The following SH2D4A variants were observed in gnomAD, a reference collection of about 807,000 sequenced individuals.
SH2D4A encodes SH2 domain containing 4A.
In SH2D4A, 70 loss-of-function variants were observed where a neutral mutation model predicts 64.7. That is an observed-to-expected ratio of 1.08 (90% CI 0.89 to 1.32). The LOEUF is 1.32. SH2D4A is among the 40% of genes most tolerant of loss of function. SH2D4A has a pLI of 0.00. For synonymous variants in SH2D4A, 268 were observed against 200.7 expected, an observed-to-expected ratio of 1.34 and a Z score of -2.83; for missense variants, 706 against 540.1, an observed-to-expected ratio of 1.31 and a Z score of -3.04.
intron 4 of SH2D4A, among the ~76,000 whole-genome samples, chr8:19,337,529 G>C (rs2052462348): frequency 6.6e-6 from 1 of 152,108 alleles, no homozygotes; most frequent in Non-Finnish European, 1.5e-5. Context: ...TATAAGAGGA[G>C]AGCCAAGGAA....
chr8:19,323,897 A>G (rs941555660), intron 2 of SH2D4A, among the ~76,000 whole-genome samples: 1 of 152,218 alleles, frequency 6.6e-6, no homozygotes, highest in African/African-American at 2.4e-5. Flanking sequence ...AGGAAAGTCA[A>G]GCTCAGGGAC....
At chr8:19,323,344 G>C (rs1370520266) in intron 2 of SH2D4A, among the ~76,000 whole-genome samples, 1 of 151,770 alleles carries the variant, frequency 6.6e-6, no homozygotes, top group Non-Finnish European at 1.5e-5. Context: ...GTATATCTTG[G>C]GTAAAGTAAA....
At chr8:19,375,122 CTT>C (rs1456332797) in intron 8 of SH2D4A, 2 of 152,122 alleles carry the variant, frequency 1.3e-5, no homozygotes, top group Admixed American at 6.5e-5. Flanking sequence ...AAATATGACT[CTT>C]GAGTTTTACG....
chr8:19,315,003 T>G (rs939740297), intron 1 of SH2D4A, among the ~76,000 whole-genome samples: 5 of 152,228 alleles, frequency 3.3e-5, no homozygotes, highest in Non-Finnish European at 7.3e-5. Context: ...ATAGTTACAC[T>G]GTCCATACCA....
chr8:19,373,722 A>G (rs2053150397), intron 8 of SH2D4A, 62 bp downstream of exon 8: 2 of 1,519,406 alleles, frequency 1.3e-6, no homozygotes, highest in African/African-American at 1.4e-5. Context: ...GTGCTAATCT[A>G]CCAGGAAGCC....
chr8:19,357,527 C>T (rs1040972153), intron 5 of SH2D4A, among the ~76,000 whole-genome samples: 2 of 152,200 alleles, frequency 1.3e-5, no homozygotes, highest in African/African-American at 4.8e-5. Context: ...GAAGATCTAA[C>T]ATAGAGGCGG....
intron 4 of SH2D4A, among the ~76,000 whole-genome samples, chr8:19,339,538 C>G (rs2052495074): frequency 7.0e-6 from 1 of 142,614 alleles, no homozygotes; most frequent in African/African-American, 2.6e-5. Context: ...GTCTCCCTCT[C>G]CCCGAGGCTG....
intron 8 of SH2D4A, among the ~76,000 whole-genome samples, chr8:19,374,082 G>C (rs900013127): frequency 6.6e-6 from 1 of 152,164 alleles, no homozygotes; most frequent in South Asian, 2.1e-4. Context: ...TACTTTTTCC[G>C]TAGGAAATCA....
intron 7 of SH2D4A, among the ~76,000 whole-genome samples, 194 bp from the exon 8 acceptor site, chr8:19,373,336 A>G (rs1363059181): frequency 1.4e-5 from 2 of 144,806 alleles, no homozygotes; most frequent in Admixed American, 1.4e-4. Flanking sequence ...CCACCCCCAC[A>G]CACACATGTG....
chr8:19,337,800 C>A (rs1326147391), intron 4 of SH2D4A, among the ~76,000 whole-genome samples: 2 of 152,136 alleles, frequency 1.3e-5, no homozygotes, highest in African/African-American at 4.8e-5. Context: ...GAAAGACCCA[C>A]CCCCATGATT....
intron 4 of SH2D4A, among the ~76,000 whole-genome samples, chr8:19,353,575 G>C (rs2052741647): frequency 6.6e-6 from 1 of 151,450 alleles, no homozygotes; most frequent in Non-Finnish European, 1.5e-5. Context: ...CACCATGTTG[G>C]CCAGGATGGT....
chr8:19,332,889 A>G, intron 2 of SH2D4A, 66 bp from the exon 3 acceptor site: 1 of 1,518,002 alleles, frequency 6.6e-7, no homozygotes, highest in Non-Finnish European at 8.9e-7. Flanking sequence ...TTAGTGATGG[A>G]AACAGTAATC....
At chr8:19,343,642 A>G (rs1324540127) in intron 4 of SH2D4A, among the ~76,000 whole-genome samples, 1 of 152,202 alleles carries the variant, frequency 6.6e-6, no homozygotes, top group African/African-American at 2.4e-5. Flanking sequence ...TCTCCTACCC[A>G]GGGGCTGCAC....
chr8:19,322,176 C>G (rs187982764), intron 2 of SH2D4A, among the ~76,000 whole-genome samples: 1 of 152,182 alleles, frequency 6.6e-6, no homozygotes, highest in African/African-American at 2.4e-5. Context: ...TTTCATCTTG[C>G]GCTGTCTTTG....
Position 19,322,578 on chromosome 8 carries a change from G to A in SH2D4A, c.181+2850G>A, listed in dbSNP as rs548851545. Among the ~76,000 whole-genome samples, 6 of 145,688 alleles carry A rather than the reference G, an allele frequency of 4.1e-5. No homozygotes were observed. The East Asian group carries it at 1.2e-3, about 30-fold the overall frequency. On this transcript the variant is annotated intron_variant, in intron 2 of 9. Coordinates refer to ENST00000265807, the MANE Select transcript of SH2D4A (RefSeq NM_022071.4). ...TTTGGGGATCATCACTAAAATTGTT[G>A]TGTATTGTGCATCACAGAAACTTGT... is the stretch of plus-strand genomic sequence containing the variant.
intron 1 of SH2D4A, among the ~76,000 whole-genome samples, chr8:19,316,679 C>G (rs1354321269): frequency 6.6e-6 from 1 of 152,200 alleles, no homozygotes; most frequent in Admixed American, 6.5e-5. Flanking sequence ...GGCTTCCATT[C>G]TGAAATTTCA....
chr8:19,345,752 C>G (rs2052603609), intron 4 of SH2D4A, among the ~76,000 whole-genome samples: 1 of 152,252 alleles, frequency 6.6e-6, no homozygotes, highest in Non-Finnish European at 1.5e-5. Flanking sequence ...ACCACGCAAT[C>G]TGTAGGTTTG....
intron 4 of SH2D4A, among the ~76,000 whole-genome samples, chr8:19,340,326 C>T (rs1020689208): frequency 1.3e-5 from 2 of 152,078 alleles, no homozygotes; most frequent in East Asian, 1.9e-4. Context: ...CAGTGATTAT[C>T]GAGCAAAGGG....
chr8:19,331,855 G>T (rs111460110), intron 2 of SH2D4A, among the ~76,000 whole-genome samples: 1 of 152,292 alleles, frequency 6.6e-6, no homozygotes, highest in Admixed American at 6.5e-5. Flanking sequence ...AAGTCACATA[G>T]CTCGTAAGTG....
Sources: allele counts gnomAD v4.1 joint callset (sites outside exome capture counted in the v4.1 genomes callset), GRCh38; gene constraint gnomAD v4.1.1; transcripts MANE v1.5; gene names NCBI Gene and HGNC (gene_info 2026-07-23, HGNC 2026-07-21).